The following KCTD15 variants were observed in gnomAD, a reference collection of about 807,000 sequenced individuals.
KCTD15 encodes the protein potassium channel tetramerization domain containing 15.
Under a neutral mutation model 27.2 loss-of-function variants are expected in KCTD15, and 11 were observed. That is an observed-to-expected ratio of 0.41 (90% CI 0.25 to 0.67). The LOEUF (loss-of-function observed/expected upper bound fraction) is 0.67. KCTD15 is among the 30% of genes least tolerant of loss of function. The pLI is 0.35. For synonymous variants in KCTD15, 163 were observed against 176.0 expected, an observed-to-expected ratio of 0.93 and a Z score of 0.58; for missense variants, 350 against 409.3, an observed-to-expected ratio of 0.86 and a Z score of 1.25.
At position 33,814,798 on chromosome 19, in the gene KCTD15, A is replaced by AAGCC. The variant is rs3046578; in HGVS notation, c.*1850_*1851insAGCC. 6.6e-6 allele frequency: 1 copy of AAGCC among 152,180 alleles called. No individual in the cohort carries two copies. The highest frequency in any genetic ancestry group is 6.6e-5 in the Admixed American group (1 of 15,258). 9.4% of individuals were successfully genotyped at this position (152,180 alleles called of 1,614,324 possible). ...TTTTTCTCAAAGCCCTTATGTTCTA[A>AAGCC]CCCATGAGAACCATTTTACCTGCCC... is the stretch of plus-strand genomic sequence containing the variant. On this transcript the variant is annotated 3_prime_UTR_variant, in exon 7 of 7. Transcript: ENST00000683859.
intron 5 of KCTD15, among the ~76,000 whole-genome samples, chr19:33,808,768 G>T (rs1004668759): frequency 6.6e-6 from 1 of 152,102 alleles, no homozygotes; most frequent in African/African-American, 2.4e-5. Context: ...CCTTCCCCAG[G>T]CCAAGGGAGG....
At chr19:33,795,691 G>A (rs1480343041), upstream of KCTD15, among the ~76,000 whole-genome samples, 1 of 152,152 alleles carries the variant, frequency 6.6e-6, no homozygotes, top group Admixed American at 6.5e-5. Context: ...GGAGGAAGAG[G>A]AAGGGGAGGA....
At chr19:33,794,501 G>A (rs912925607), upstream of KCTD15, among the ~76,000 whole-genome samples, 6 of 152,194 alleles carry the variant, frequency 3.9e-5, no homozygotes, top group African/African-American at 1.4e-4. Flanking sequence ...CAGCCACCTA[G>A]GATGAGGGAC....
rs117591765 is a variant in KCTD15 at position 33,808,059 on chromosome 19, G to A, written c.387+1052G>A. ...AACCCCCAGGTCTCCGGGTGAGCCC[G>A]TCAGGGCAGGTGACCTGGTTCCCTG... On this transcript the variant is annotated intron_variant, in intron 5 of 6. Transcript: ENST00000683859. 2.1e-3 allele frequency among the ~76,000 whole-genome samples: 322 copies of A among 152,368 alleles called. 10 individuals carry two copies. The East Asian group carries it at 0.044, about 21-fold the overall frequency.
chr19:33,813,240 G>C lies in KCTD15; in HGVS notation c.*292G>C. On this transcript the variant is annotated 3_prime_UTR_variant, in exon 7 of 7. Coordinates refer to ENST00000683859, the MANE Select transcript of KCTD15 (RefSeq NM_001129994.2). ...CTGGCGCAGCATCCTCTGAGGCCCC[G>C]GGGCCTGTTGGGGCGGGGTTGGAAG... The C allele has an allele frequency of 3.2e-6, 2 of 624,892 alleles. No homozygotes were observed. Among genetic ancestry groups the C allele is most frequent in the Non-Finnish European group, 3.0e-6 (1 of 336,306 alleles). 38.7% of individuals were successfully genotyped at this position (624,892 alleles called of 1,614,324 possible). A position where few individuals can be genotyped will look rare whatever the true frequency, so the allele number is the denominator to read the frequency against.
intron 1 of KCTD15, chr19:33,798,317 G>A (rs1198009128): frequency 2.0e-5 from 3 of 152,256 alleles, no homozygotes; most frequent in Admixed American, 1.3e-4. Flanking sequence ...GTCTCAAGCT[G>A]CCGCAGCTCA....
In KCTD15 at chr19:33,815,221, A is replaced by G. The variant is rs985963816; in HGVS notation, c.*2273A>G. On this transcript the variant is annotated 3_prime_UTR_variant, in exon 7 of 7. Coordinates refer to ENST00000683859, the MANE Select transcript of KCTD15 (RefSeq NM_001129994.2). ...TAATAAAGAAGGGGAAAAAGGAGTA[A>G]CTCTACCTGACTAAATGTTACTCTA... The G allele has an allele frequency of 2.6e-5, 4 of 152,144 alleles. No individual in the cohort carries two copies. Among genetic ancestry groups the G allele is most frequent in the African/African-American group, 9.7e-5 (4 of 41,426 alleles). The allele number at this position is 152,144 out of a possible 1,614,324, so 9.4% of individuals were successfully genotyped here. A position where few individuals can be genotyped will look rare whatever the true frequency, so the allele number is the denominator to read the frequency against.
chr19:33,812,041 G>A (rs1466692605), intron 6 of KCTD15: 1 of 1,405,474 alleles, frequency 7.1e-7, no homozygotes, highest in Non-Finnish European at 9.2e-7. Flanking sequence ...CAGATGGAGT[G>A]AGGGCCTATT....
At chr19:33,812,571 G>C (rs1975959752) in intron 6 of KCTD15, 1 of 1,268,346 alleles carries the variant, frequency 7.9e-7, no homozygotes, top group Non-Finnish European at 9.9e-7. Context: ...AACTAGGTTT[G>C]CTAACCTGAG....
chr19:33,798,062 G>T (rs1975405775), intron 1 of KCTD15, among the ~76,000 whole-genome samples: 1 of 152,006 alleles, frequency 6.6e-6, no homozygotes, highest in Non-Finnish European at 1.5e-5. Context: ...GTTCACACCG[G>T]CCGGCTGGCT....
rs375790602 is a variant in KCTD15, at chr19:33,800,424, G to A, written c.-27-4G>A. 17 of 1,589,498 alleles carry A rather than the reference G, an allele frequency of 1.1e-5. No homozygotes were observed. The African/African-American group carries it at 1.2e-4, about 11-fold the overall frequency. ...TTCTCTGGTTTTGTCGATGCCTCCCGCAGATACTCTGGGCAGGGATGGAAG... is the reference window on the plus strand; with the variant it reads ...TTCTCTGGTTTTGTCGATGCCTCCCACAGATACTCTGGGCAGGGATGGAAG... On this transcript the variant is annotated splice_region_variant and splice_polypyrimidine_tract_variant and intron_variant, in intron 2 of 6. Coordinates refer to ENST00000683859, the MANE Select transcript of KCTD15 (RefSeq NM_001129994.2).
Position 33,811,352 on chromosome 19 carries a change from G to A in KCTD15, c.493G>A (p.Ala165Thr). The A allele has an allele frequency of 6.4e-7, 1 of 1,570,130 alleles. No individual in the cohort carries two copies. The highest frequency in any genetic ancestry group is 1.2e-5 in the South Asian group (1 of 86,078). The change falls in exon 6 of 7, where the codon GCC becomes ACC. Residue 165 changes from alanine (A) to threonine (T), a missense_variant. Ala to Thr is a moderately conservative substitution (Grantham distance 58, BLOSUM62 0). Coordinates refer to ENST00000683859, the MANE Select transcript of KCTD15 (RefSeq NM_001129994.2). ...GCAGGAGCAGCGGCGCCGCAGCCGG[G>A]CCTGTGACTGCCTGGTGGTGCGCGT... ...QEQEQRRRSRACDCLVVRVTP... is the reference protein window; with the variant it reads ...QEQEQRRRSRTCDCLVVRVTP...
chr19:33,804,227 G>A (rs1379850536), intron 4 of KCTD15, among the ~76,000 whole-genome samples: 2 of 152,246 alleles, frequency 1.3e-5, no homozygotes, highest in Non-Finnish European at 2.9e-5. Context: ...CGGTACAGCT[G>A]CCGCTTGATC....
intron 4 of KCTD15, chr19:33,801,662 C>T (rs772541370): frequency 2.4e-5 from 6 of 251,218 alleles, no homozygotes; most frequent in South Asian, 1.5e-4. Context: ...GGGAGTCTCA[C>T]GTACCTTCAA....
rs1235886673 is a variant in KCTD15 at position 33,812,521 on chromosome 19, C to T, written c.694-269C>T. 6 of 1,241,178 alleles carry T rather than the reference C, an allele frequency of 4.8e-6. No individual in the cohort carries two copies. In the South Asian group the frequency reaches 1.9e-4, roughly 39 times the overall value. 76.9% of individuals were successfully genotyped at this position (1,241,178 alleles called of 1,614,324 possible). On this transcript the variant is annotated intron_variant, in intron 6 of 6. Coordinates refer to ENST00000683859, the MANE Select transcript of KCTD15 (RefSeq NM_001129994.2). Reference sequence around the variant, plus strand: ...CTCTTTTTGCCTCCCGGAATCAAGGCCCTGAGGGCAGCAGGATGGTGGCCT... The same window carrying T: ...CTCTTTTTGCCTCCCGGAATCAAGGTCCTGAGGGCAGCAGGATGGTGGCCT...
Position 33,813,443 on chromosome 19 carries a change from G to A in KCTD15, c.*495G>A, listed in dbSNP as rs1418156358. The stretch of plus-strand genomic sequence containing the variant: ...CCAATGCTTCTTTATCTGGTGCTCA[G>A]TTCTCAGTCAGACGTGCAGCATGGC... On this transcript the variant is annotated 3_prime_UTR_variant, in exon 7 of 7. Transcript: ENST00000683859. 8 of 455,880 alleles carry A rather than the reference G, an allele frequency of 1.8e-5. No individual in the cohort carries two copies. Among genetic ancestry groups the A allele is most frequent in the Admixed American group, 1.6e-4 (7 of 42,438 alleles). The allele number at this position is 455,880 out of a possible 1,614,324, so 28.2% of individuals were successfully genotyped here.
At chr19:33,803,135 A>G (rs948049824) in intron 4 of KCTD15, among the ~76,000 whole-genome samples, 1 of 152,218 alleles carries the variant, frequency 6.6e-6, no homozygotes, top group Non-Finnish European at 1.5e-5. Flanking sequence ...CTGGGGCTCA[A>G]GGTGAATCTG....
chr19:33,813,377 G>A lies in KCTD15; in HGVS notation c.*429G>A, dbSNP rs909262928. On this transcript the variant is annotated 3_prime_UTR_variant, in exon 7 of 7. Coordinates refer to ENST00000683859, the MANE Select transcript of KCTD15 (RefSeq NM_001129994.2). ...CTTATTTTCTACAGTATTTAAAATGGATGCAGCCCTAACTGCAAAAGTCAG... is the reference window on the plus strand; with the variant it reads ...CTTATTTTCTACAGTATTTAAAATGAATGCAGCCCTAACTGCAAAAGTCAG... 4.3e-6 allele frequency: 2 copies of A among 465,980 alleles called. No individual in the cohort carries two copies. Among genetic ancestry groups the A allele is most frequent in the South Asian group, 3.1e-5 (2 of 64,642 alleles). 28.9% of individuals were successfully genotyped at this position (465,980 alleles called of 1,614,324 possible).
In KCTD15 at chr19:33,815,156, C is replaced by G. The variant is rs1156364498; in HGVS notation, c.*2208C>G. On this transcript the variant is annotated 3_prime_UTR_variant, in exon 7 of 7. Coordinates refer to ENST00000683859, the MANE Select transcript of KCTD15 (RefSeq NM_001129994.2). ...AGAGATTCTCGAACATTCTCAAACT[C>G]TCTTTTTGGGTAAATGATTGTGCTA... is the stretch of plus-strand genomic sequence containing the variant. 6.6e-6 allele frequency: 1 copy of G among 152,120 alleles called. No homozygotes were observed. The highest frequency in any genetic ancestry group is 6.5e-5 in the Admixed American group (1 of 15,270). 9.4% of individuals were successfully genotyped at this position (152,120 alleles called of 1,614,324 possible).
Sources: gnomAD v4.1 joint callset for allele counts (sites outside exome capture counted in the v4.1 genomes callset) on GRCh38, gnomAD v4.1.1 for gene constraint, MANE v1.5 for transcripts, NCBI Gene and HGNC (gene_info 2026-07-23, HGNC 2026-07-21) for gene names.